The following GPR107 variants were observed in gnomAD, a reference collection of about 807,000 sequenced individuals.
GPR107 encodes G protein-coupled receptor 107.
Under a neutral mutation model 75.5 loss-of-function variants are expected in GPR107, and 31 were observed. The observed-to-expected ratio is 0.41, with a 90% CI of 0.31 to 0.55. GPR107 has a LOEUF of 0.55. GPR107 is among the 20% of genes least tolerant of loss of function. The pLI is 0.26. For missense variants in GPR107, 572 were observed against 665.7 expected (o/e 0.86, Z 1.55); for synonymous variants, 267 against 251.3 (o/e 1.06, Z -0.59).
At chr9:130,106,164 G>A (rs191622522) in intron 13 of GPR107, among the ~76,000 whole-genome samples, 1 of 152,278 alleles carries the variant, frequency 6.6e-6, no homozygotes, top group Admixed American at 6.5e-5. Context: ...CTGTCGAGGT[G>A]TAAGCAGCCA....
intron 13 of GPR107, among the ~76,000 whole-genome samples, chr9:130,105,947 AC>A (rs1831145885): frequency 6.6e-6 from 1 of 152,136 alleles, no homozygotes; most frequent in Non-Finnish European, 1.5e-5. Flanking sequence ...GGCATGAGCC[AC>A]CGCACCCAGT....
intron 1 of GPR107, among the ~76,000 whole-genome samples, chr9:130,065,382 A>C (rs964114219): frequency 2.0e-5 from 3 of 151,720 alleles, no homozygotes; most frequent in Admixed American, 6.6e-5. Flanking sequence ...GGTTACAGTG[A>C]GCCGAGATCG....
At chr9:130,063,963 C>G (rs1299900974) in intron 1 of GPR107, among the ~76,000 whole-genome samples, 1 of 151,582 alleles carries the variant, frequency 6.6e-6, no homozygotes, top group East Asian at 1.9e-4. Flanking sequence ...CGGCACCATG[C>G]CCAGCTAATT....
chr9:130,121,521 CT>C (rs779333601), intron 14 of GPR107, among the ~76,000 whole-genome samples: 8 of 152,186 alleles, frequency 5.3e-5, no homozygotes, highest in Non-Finnish European at 1.0e-4. Context: ...TGGCTTTACT[CT>C]TAGCCCTGCC....
intron 1 of GPR107, among the ~76,000 whole-genome samples, chr9:130,058,343 G>C (rs1172806423): frequency 1.3e-5 from 2 of 152,022 alleles, no homozygotes. Flanking sequence ...CCCTTGTGTT[G>C]GTTTAGAATC....
chr9:130,064,129 GTAACTAATAAAAAGTAGGTGT>G, intron 1 of GPR107, among the ~76,000 whole-genome samples: 1 of 138,762 alleles, frequency 7.2e-6, no homozygotes, highest in Non-Finnish European at 1.6e-5. Context: ...TATTCTTTTT[GTAACTAATAAAAAGTAGGTGT>G]CAAGAAATTG....
At chr9:130,131,457 C>T (rs944196693) in intron 17 of GPR107, among the ~76,000 whole-genome samples, 5 of 152,028 alleles carry the variant, frequency 3.3e-5, no homozygotes, top group African/African-American at 9.7e-5. Flanking sequence ...CCCTGTCACC[C>T]GCCCTGCCTG....
intron 14 of GPR107, chr9:130,114,680 C>A: frequency 9.5e-7 from 1 of 1,048,728 alleles, no homozygotes; most frequent in Non-Finnish European, 1.2e-6. Context: ...GCCACTGGAC[C>A]CATCCTGTTT....
intron 4 of GPR107, among the ~76,000 whole-genome samples, chr9:130,078,160 G>A (rs1387669098): frequency 3.4e-5 from 5 of 147,540 alleles, no homozygotes; most frequent in East Asian, 2.0e-4. Context: ...GTGAGACTCC[G>A]TCTCAAAAAA....
chr9:130,098,788 A>G (rs1300439264), intron 9 of GPR107, among the ~76,000 whole-genome samples: 2 of 152,086 alleles, frequency 1.3e-5, no homozygotes, highest in Non-Finnish European at 2.9e-5. Context: ...CGGGTGGATT[A>G]CTTGAAGTTA....
At chr9:130,115,623 G>T (rs1350737782) in intron 14 of GPR107, among the ~76,000 whole-genome samples, 3 of 151,986 alleles carry the variant, frequency 2.0e-5, no homozygotes, top group African/African-American at 4.8e-5. Context: ...AAAATTAGCT[G>T]GCGTGGTGGT....
At position 130,077,273 on chromosome 9, in the gene GPR107, T is replaced by G. The variant is rs368150397; in HGVS notation, c.307-26T>G. On this transcript the variant is annotated intron_variant, in intron 3 of 17. Transcript: ENST00000347136. Reference sequence around the variant, plus strand: ...GTTCTAGTGTGAATGAATAAGATGATGTACAATTGGCTCTTCCTTTCTCAG... The same window carrying G: ...GTTCTAGTGTGAATGAATAAGATGAGGTACAATTGGCTCTTCCTTTCTCAG... 2.5e-5 allele frequency: 29 copies of G among 1,141,082 alleles called. No homozygotes were observed. In the African/African-American group the frequency reaches 3.9e-4, roughly 15 times the overall value. 70.7% of individuals were successfully genotyped at this position (1,141,082 alleles called of 1,614,324 possible).
At chr9:130,058,362 T>C (rs2132529672) in intron 1 of GPR107, among the ~76,000 whole-genome samples, 1 of 152,322 alleles carries the variant, frequency 6.6e-6, no homozygotes, top group South Asian at 2.1e-4. Context: ...TCAATTCCCA[T>C]TCCCACCACT....
At chr9:130,076,335 C>G (rs1589492291) in intron 2 of GPR107, 77 bp from the exon 3 acceptor site, 2 of 911,446 alleles carry the variant, frequency 2.2e-6, no homozygotes, top group East Asian at 2.4e-5. Flanking sequence ...AGAAGTACCA[C>G]TTTTTCTGCT....
intron 14 of GPR107, among the ~76,000 whole-genome samples, chr9:130,115,365 T>TCCC (rs1433587674): frequency 6.6e-6 from 1 of 152,002 alleles, no homozygotes; most frequent in Non-Finnish European, 1.5e-5. Flanking sequence ...GAAGAGATCC[T>TCCC]CCCCCTTTTT....
chr9:130,087,607 C>T (rs1261577829), intron 7 of GPR107, among the ~76,000 whole-genome samples: 1 of 151,734 alleles, frequency 6.6e-6, no homozygotes, highest in African/African-American at 2.4e-5. Context: ...TCAAGACTAT[C>T]CTGGGAAATG....
At position 130,092,386 on chromosome 9, in the gene GPR107, A is replaced by G; in HGVS notation, c.863+5A>G. 2 of 1,610,250 alleles carry G rather than the reference A, an allele frequency of 1.2e-6. No homozygotes were observed. The highest frequency in any genetic ancestry group is 1.7e-6 in the Non-Finnish European group (2 of 1,176,476). Reference sequence around the variant, plus strand: ...TCATATCCTTCGAAAACGACGGTAAACTATTTCTCCCTTCAACTTAAGAGT... The same window carrying G: ...TCATATCCTTCGAAAACGACGGTAAGCTATTTCTCCCTTCAACTTAAGAGT... On this transcript the variant is annotated splice_donor_5th_base_variant and intron_variant, in intron 9 of 17. Coordinates refer to ENST00000347136, the MANE Select transcript of GPR107 (RefSeq NM_020960.5).
chr9:130,056,288 C>T (rs1371595536), intron 1 of GPR107, among the ~76,000 whole-genome samples: 1 of 151,732 alleles, frequency 6.6e-6, no homozygotes, highest in Non-Finnish European at 1.5e-5. Flanking sequence ...CACATCTCTA[C>T]TAAAAATACA....
chr9:130,106,965 T>C (rs773009474), intron 13 of GPR107, among the ~76,000 whole-genome samples: 38 of 152,162 alleles, frequency 2.5e-4, no homozygotes, highest in Non-Finnish European at 4.7e-4. Flanking sequence ...AATGTAATGA[T>C]GGTCATTAGG....
Sources: gnomAD v4.1 joint callset for allele counts (sites outside exome capture counted in the v4.1 genomes callset) on GRCh38, gnomAD v4.1.1 for gene constraint, MANE v1.5 for transcripts, NCBI Gene and HGNC (gene_info 2026-07-23, HGNC 2026-07-21) for gene names.